Variants in BMP8A observed in about 807,000 individuals in gnomAD.
BMP8A encodes bone morphogenetic protein 8a.
BMP8A carries 14 observed loss-of-function variants against 36.8 expected under a neutral mutation model. That is an observed-to-expected ratio of 0.38 (90% CI 0.25 to 0.60). BMP8A has a LOEUF of 0.60. Ranked by LOEUF, BMP8A falls within the 20% of genes least tolerant of loss-of-function variation. The pLI is 0.63. For synonymous variants in BMP8A, 120 were observed against 237.7 expected (o/e 0.50, Z 4.55); for missense variants, 267 against 551.1 (o/e 0.48, Z 5.16).
rs958094063 is a variant in BMP8A, at chr1:39,527,851, C to CTCTT, written c.*2055_*2058dup. Among the ~76,000 whole-genome samples, 23 of 152,336 alleles carry CTCTT rather than the reference C, an allele frequency of 1.5e-4. No homozygotes were observed. The highest frequency in any genetic ancestry group is 5.5e-4 in the African/African-American group (23 of 41,576). On this transcript the variant is annotated 3_prime_UTR_variant, in exon 7 of 7. Transcript: ENST00000331593. ...TCATCTGCAACATGAGGACATAGGA[C>CTCTT]TCTTTAATTCCAAAGGCTCTTCCAA...
rs710913 is a variant in BMP8A at position 39,524,254 on chromosome 1, T to C, written c.1059+1137T>C. Among the ~76,000 whole-genome samples the C allele has an allele frequency of 0.65, 98,944 of 151,954 alleles. 32,530 individuals are homozygous for C. Among genetic ancestry groups the C allele is most frequent in the South Asian group, 0.83 (3,989 of 4,806 alleles). Reference sequence around the variant, plus strand: ...GGAAGGTGACTGCACCTGCAGCTCCTGGACTCCATCTCCTCTGCCCTTGCC... The same window carrying C: ...GGAAGGTGACTGCACCTGCAGCTCCCGGACTCCATCTCCTCTGCCCTTGCC... On this transcript the variant is annotated intron_variant, in intron 6 of 6. Transcript: ENST00000331593. This position sits in a 1 kb window ranked among gnomAD's most constrained non-coding sequence, Gnocchi z 4.0.
chr1:39,505,657 G>C (rs1246245882), intron 1 of BMP8A, among the ~76,000 whole-genome samples: 2 of 152,060 alleles, frequency 1.3e-5, no homozygotes, highest in African/African-American at 4.8e-5. Flanking sequence ...CAAATTGAGG[G>C]GCATGCTACA....
intron 1 of BMP8A, among the ~76,000 whole-genome samples, chr1:39,500,845 G>C (rs192585869): frequency 1.3e-5 from 2 of 151,980 alleles, no homozygotes; most frequent in Non-Finnish European, 2.9e-5. Flanking sequence ...GTAGAGACAG[G>C]GTTTCACCAT....
intron 3 of BMP8A, chr1:39,515,444 C>G (rs1645388128): frequency 2.4e-6 from 2 of 845,526 alleles, no homozygotes; most frequent in South Asian, 3.6e-5. Flanking sequence ...GCTACGGGAC[C>G]CTGGTCCAGG....
intron 1 of BMP8A, among the ~76,000 whole-genome samples, chr1:39,493,019 C>T (rs556737645): frequency 9.2e-5 from 14 of 152,344 alleles, no homozygotes; most frequent in African/African-American, 3.1e-4. Flanking sequence ...CTGCAAACAT[C>T]TTGTATCAAA....
chr1:39,514,808 G>A (rs1304325390), intron 3 of BMP8A: 16 of 1,166,470 alleles, frequency 1.4e-5, no homozygotes, highest in Admixed American at 4.1e-5. Context: ...TGCGGGTCGC[G>A]GGCCTGGCCT....
chr1:39,495,245 A>T (rs1405701524), intron 1 of BMP8A, among the ~76,000 whole-genome samples: 1 of 152,128 alleles, frequency 6.6e-6, no homozygotes, highest in African/African-American at 2.4e-5. Flanking sequence ...CCAACTCTTG[A>T]TGGCAGCCTG....
chr1:39,509,885 G>A (rs1557690252), intron 1 of BMP8A, among the ~76,000 whole-genome samples: 1 of 152,238 alleles, frequency 6.6e-6, no homozygotes, highest in Non-Finnish European at 1.5e-5. Flanking sequence ...TGAAAGGGAC[G>A]GGAGGCTAAA....
chr1:39,492,033 G>GTT lies in BMP8A; in HGVS notation c.43_44dup (p.Leu15PhefsTer93). 9.1e-7 allele frequency: 1 copy of GTT among 1,096,552 alleles called. No homozygotes were observed. Among genetic ancestry groups the GTT allele is most frequent in the Non-Finnish European group, 1.1e-6 (1 of 903,058 alleles). 67.9% of individuals were successfully genotyped at this position (1,096,552 alleles called of 1,614,324 possible). A position where few individuals can be genotyped will look rare whatever the true frequency, so the allele number is the denominator to read the frequency against. On this transcript the variant is annotated frameshift_variant, in exon 1 of 7. Coordinates refer to ENST00000331593, the MANE Select transcript of BMP8A (RefSeq NM_181809.4). LOFTEE classifies it high-confidence loss of function. Reference sequence around the variant, plus strand: ...GACCGCTCTGGCTTCTGGGCCTGACGTTGTGCGCGCTGGGCGGGGGCGGCC... The same window carrying GTT: ...GACCGCTCTGGCTTCTGGGCCTGACGTTTTGTGCGCGCTGGGCGGGGGCGGCC...
chr1:39,518,319 G>A (rs1645408682), intron 3 of BMP8A, among the ~76,000 whole-genome samples: 1 of 139,234 alleles, frequency 7.2e-6, no homozygotes, highest in Non-Finnish European at 1.5e-5. Context: ...AGCAGGGCAG[G>A]GAGAGTTGGC....
chr1:39,500,724 C>T (rs1645246007), intron 1 of BMP8A, among the ~76,000 whole-genome samples: 1 of 152,128 alleles, frequency 6.6e-6, no homozygotes, highest in Admixed American at 6.5e-5. Flanking sequence ...ACAGTTTCAG[C>T]TCACTGCAAC....
Position 39,529,587 on chromosome 1 carries a change from A to T in BMP8A, c.*3789A>T, listed in dbSNP as rs546280649. 1.7e-3 allele frequency among the ~76,000 whole-genome samples: 261 copies of T among 152,276 alleles called. 1 individual carries two copies. The highest frequency in any genetic ancestry group is 6.0e-3 in the African/African-American group (248 of 41,550). On this transcript the variant is annotated 3_prime_UTR_variant, in exon 7 of 7. Transcript: ENST00000331593. ...CTCCACCCCCTGCTTTTTAAAAAAAATTTTTTCTCACGTAAGAAAATGTTA... is the reference window on the plus strand; with the variant it reads ...CTCCACCCCCTGCTTTTTAAAAAAATTTTTTTCTCACGTAAGAAAATGTTA...
At position 39,525,717 on chromosome 1, in the gene BMP8A, T is replaced by C. The variant is rs1645476526; in HGVS notation, c.1128T>C (p.Ser376=). Reference sequence around the variant, plus strand: ...CACCCACCAAGCTGAGCGCCACCTCTGTGCTCTACTATGACAGCAGCAACA... The same window carrying C: ...CACCCACCAAGCTGAGCGCCACCTCCGTGCTCTACTATGACAGCAGCAACA... ...CCAPTKLSAT[S]VLYYDSSNNV... Residue 376 remains serine (S), a synonymous_variant, in exon 7 of 7, where the codon TCT becomes TCC. Transcript: ENST00000331593. 1.2e-6 allele frequency: 2 copies of C among 1,614,090 alleles called. No homozygotes were observed. The highest frequency in any genetic ancestry group is 1.3e-5 in the African/African-American group (1 of 74,936).
At chr1:39,509,455 T>C (rs1645331756) in intron 1 of BMP8A, among the ~76,000 whole-genome samples, 1 of 152,134 alleles carries the variant, frequency 6.6e-6, no homozygotes, top group African/African-American at 2.4e-5. Flanking sequence ...TGGGAAGAGA[T>C]CGTGGCCTGT....
chr1:39,499,549 A>G (rs1645235443), intron 1 of BMP8A, among the ~76,000 whole-genome samples: 1 of 152,228 alleles, frequency 6.6e-6, no homozygotes, highest in Admixed American at 6.5e-5. Flanking sequence ...GTTGATGTCG[A>G]ACTGAGGGTC....
chr1:39,504,731 G>A (rs1388103173), intron 1 of BMP8A, among the ~76,000 whole-genome samples: 9 of 152,226 alleles, frequency 5.9e-5, no homozygotes, highest in Non-Finnish European at 1.2e-4. Flanking sequence ...CTCAGCATAC[G>A]GAGGACCCGC....
intron 3 of BMP8A, among the ~76,000 whole-genome samples, chr1:39,520,168 C>CTTTTTTTTTTT (rs1645420302): frequency 1.7e-5 from 1 of 59,310 alleles, no homozygotes; most frequent in African/African-American, 5.1e-5. Flanking sequence ...TTGAAACACA[C>CTTTTTTTTTTT]TCTCATTCTG....
intron 3 of BMP8A, among the ~76,000 whole-genome samples, chr1:39,517,347 A>G (rs2266529): frequency 0.013 from 1,931 of 149,082 alleles, 3 homozygotes; most frequent in African/African-American, 0.046. Context: ...ACAGAATCTC[A>G]CTCTGTTATC....
chr1:39,526,075 C>CCTAT lies in BMP8A; in HGVS notation c.*280_*283dup, dbSNP rs1211693257. 5 of 519,264 alleles carry CCTAT rather than the reference C, an allele frequency of 9.6e-6. No homozygotes were observed. Among genetic ancestry groups the CCTAT allele is most frequent in the Middle Eastern group, 5.3e-4 (1 of 1,876 alleles). 32.2% of individuals were successfully genotyped at this position (519,264 alleles called of 1,614,324 possible). Reference sequence around the variant, plus strand: ...CACTGTCTGGAGTCAGCACAGAAGTCCTATCTTAGGACCTGTCAGACTGTG... The same window carrying CCTAT: ...CACTGTCTGGAGTCAGCACAGAAGTCCTATCTATCTTAGGACCTGTCAGACTGTG... On this transcript the variant is annotated 3_prime_UTR_variant, in exon 7 of 7. Transcript: ENST00000331593.
Sources: allele counts gnomAD v4.1 joint callset (sites outside exome capture counted in the v4.1 genomes callset), GRCh38; gene constraint gnomAD v4.1.1; non-coding constraint Gnocchi (gnomAD v3.1); transcripts MANE v1.5; gene names NCBI Gene and HGNC (gene_info 2026-07-23, HGNC 2026-07-21).